EYS: variants seen among roughly 807,000 people sequenced by gnomAD.
The protein encoded by EYS is EGF-like photoreceptor maintenance factor.
Under a neutral mutation model 282.1 loss-of-function variants are expected in EYS, and 250 were observed. The ratio of observed to expected loss-of-function variants is 0.89; its 90% CI spans 0.80 to 0.98. The LOEUF (loss-of-function observed/expected upper bound fraction) is 0.98, where lower values mean the gene tolerates loss of function less well. EYS is among the 50% of genes least tolerant of loss of function. The pLI, the probability that EYS is intolerant of heterozygous loss-of-function variation, is 0.00. For synonymous variants in EYS, 1,355 were observed against 1,282.9 expected, an observed-to-expected ratio of 1.06 and a Z score of -1.20; for missense variants, 4,016 against 3,709.0, an observed-to-expected ratio of 1.08 and a Z score of -2.15.
At chr6:64,075,004 T>A (rs1407724210) in intron 32 of EYS, among the ~76,000 whole-genome samples, 1 of 151,924 alleles carries the variant, frequency 6.6e-6, no homozygotes, top group Non-Finnish European at 1.5e-5. Context: ...CAGGGCTACC[T>A]GTGGGAGCAG....
chr6:65,145,897 T>C (rs115687848), intron 12 of EYS, among the ~76,000 whole-genome samples: 2,534 of 152,036 alleles, frequency 0.017, 86 homozygotes, highest in African/African-American at 0.058. Flanking sequence ...TACTGAACTC[T>C]AATATGACTA....
At chr6:65,654,978 TAAAA>T (rs36088825) in intron 1 of EYS, among the ~76,000 whole-genome samples, 1 of 99,900 alleles carries the variant, frequency 1.0e-5, no homozygotes, top group East Asian at 2.6e-4. Context: ...GGTCATTCAT[TAAAA>T]AAAAAAAAAA....
At chr6:65,649,265 G>C (rs776403950) in intron 1 of EYS, among the ~76,000 whole-genome samples, 1 of 139,662 alleles carries the variant, frequency 7.2e-6, no homozygotes, top group Non-Finnish European at 1.6e-5. Flanking sequence ...GTTTTGTTTT[G>C]TTTGTTTTGT....
rs567333347 is a variant in EYS, at chr6:65,579,675, T to G, written c.-333+60103A>C. 4.6e-5 allele frequency among the ~76,000 whole-genome samples: 7 copies of G among 152,200 alleles called. No individual in the cohort carries two copies. In the South Asian group the frequency reaches 1.4e-3, roughly 32 times the overall value. On this transcript the variant is annotated intron_variant, in intron 2 of 42. Transcript: ENST00000503581. ...GACACAGAAATCTGTCTCTTTCTTT[T>G]TATAAGGTCACCCATTCTATCGAGT...
chr6:64,650,167 T>C (rs898599118), intron 22 of EYS, among the ~76,000 whole-genome samples: 1 of 152,032 alleles, frequency 6.6e-6, no homozygotes, highest in Non-Finnish European at 1.5e-5. Context: ...AAATACTACA[T>C]AGCAAAAACT....
At chr6:64,049,970 G>A (rs1346370651) in intron 33 of EYS, among the ~76,000 whole-genome samples, 1 of 152,108 alleles carries the variant, frequency 6.6e-6, no homozygotes, top group Non-Finnish European at 1.5e-5. Flanking sequence ...TTTGGGCCCA[G>A]GCAGACGATG....
intron 12 of EYS, among the ~76,000 whole-genome samples, chr6:65,271,546 G>A (rs1454848167): frequency 6.6e-6 from 1 of 151,802 alleles, no homozygotes; most frequent in Non-Finnish European, 1.5e-5. Flanking sequence ...CCAGCTATCT[G>A]GGAATCCAGT....
chr6:65,300,502 T>C (rs536093572), intron 11 of EYS, among the ~76,000 whole-genome samples: 1 of 152,200 alleles, frequency 6.6e-6, no homozygotes, highest in African/African-American at 2.4e-5. Flanking sequence ...AACATGCATC[T>C]CTTCTTTGTA....
chr6:64,312,902 T>G (rs28786721), intron 29 of EYS, among the ~76,000 whole-genome samples: 1 of 139,896 alleles, frequency 7.1e-6, no homozygotes, highest in East Asian at 2.1e-4. Context: ...AAACCAAAGA[T>G]AGATAAATCC....
At chr6:65,262,921 T>C (rs1392318443) in intron 12 of EYS, among the ~76,000 whole-genome samples, 2 of 152,138 alleles carry the variant, frequency 1.3e-5, no homozygotes, top group Non-Finnish European at 2.9e-5. Flanking sequence ...GATCCGTCAT[T>C]GATATTATAT....
intron 31 of EYS, among the ~76,000 whole-genome samples, chr6:64,151,294 T>G (rs1207196653): frequency 1.4e-5 from 2 of 139,508 alleles, no homozygotes; most frequent in Admixed American, 1.5e-4. Context: ...TATATATGTT[T>G]TCACACGTGT....
At chr6:65,143,938 A>G (rs562410016) in intron 12 of EYS, among the ~76,000 whole-genome samples, 1 of 151,960 alleles carries the variant, frequency 6.6e-6, no homozygotes, top group African/African-American at 2.4e-5. Flanking sequence ...TTTTTTTCCT[A>G]TTATTGTACA....
At chr6:65,226,400 C>T (rs1766627289) in intron 12 of EYS, among the ~76,000 whole-genome samples, 1 of 151,988 alleles carries the variant, frequency 6.6e-6, no homozygotes, top group Admixed American at 6.6e-5. Flanking sequence ...AATGAAAATA[C>T]ATCCTGTGCT....
intron 16 of EYS, among the ~76,000 whole-genome samples, chr6:64,908,187 C>T (rs1767887661): frequency 6.6e-6 from 1 of 152,064 alleles, no homozygotes. Flanking sequence ...CTATTATGCT[C>T]AAGCTTTTGG....
intron 15 of EYS, among the ~76,000 whole-genome samples, chr6:64,914,709 G>A (rs995362929): frequency 1.3e-5 from 2 of 151,998 alleles, no homozygotes; most frequent in African/African-American, 2.4e-5. Flanking sequence ...TGAATAATTG[G>A]CAAAATGGTA....
chr6:65,094,402 A>T (rs538081271), intron 12 of EYS, among the ~76,000 whole-genome samples: 1 of 151,252 alleles, frequency 6.6e-6, no homozygotes, highest in East Asian at 1.9e-4. Flanking sequence ...GAAAGATTCC[A>T]TACAATAGCA....
chr6:65,391,015 A>T (rs12661130), intron 7 of EYS, among the ~76,000 whole-genome samples: 31,129 of 152,108 alleles, frequency 0.2, 3,322 homozygotes, highest in South Asian at 0.35. Context: ...TGTGCAAAGC[A>T]TTATGGGGCT....
At chr6:64,454,410 C>T (rs112635745) in intron 26 of EYS, among the ~76,000 whole-genome samples, 1,576 of 152,182 alleles carry the variant, frequency 0.01, 30 homozygotes, top group African/African-American at 0.036. Context: ...CATATGCAAG[C>T]ATCCTATTAA....
chr6:63,763,457 C>T (rs1769700992), intron 40 of EYS, among the ~76,000 whole-genome samples: 1 of 151,812 alleles, frequency 6.6e-6, no homozygotes, highest in South Asian at 2.1e-4. Context: ...GTGTCCCCAC[C>T]CAAATCTCAT....
Sources: allele counts gnomAD v4.1 joint callset (sites outside exome capture counted in the v4.1 genomes callset), GRCh38; gene constraint gnomAD v4.1.1; transcripts MANE v1.5; gene names NCBI Gene and HGNC (gene_info 2026-07-23, HGNC 2026-07-21).